Variants in LUZP2 observed in about 807,000 individuals in gnomAD.
LUZP2 encodes leucine zipper protein 2.
In LUZP2, 52 loss-of-function variants were observed where a neutral mutation model predicts 51.6. That is an observed-to-expected ratio of 1.01 (90% CI 0.81 to 1.27). The LOEUF is 1.27. LUZP2 is among the 50% of genes most tolerant of loss of function. The pLI is 0.00. For missense variants in LUZP2, 436 were observed against 395.4 expected, an observed-to-expected ratio of 1.10 and a Z score of -0.87; for synonymous variants, 154 against 137.3, an observed-to-expected ratio of 1.12 and a Z score of -0.85.
intron 1 of LUZP2, among the ~76,000 whole-genome samples, chr11:24,696,170 A>G (rs1857240890): frequency 6.6e-6 from 1 of 152,078 alleles, no homozygotes; most frequent in South Asian, 2.1e-4. Context: ...GTGTCTTGCC[A>G]GATATGGTGC....
At chr11:24,505,617 G>C (rs576061943) in intron 1 of LUZP2, among the ~76,000 whole-genome samples, 1 of 152,062 alleles carries the variant, frequency 6.6e-6, no homozygotes. Flanking sequence ...AGCTCATGTG[G>C]CATAGACAAG....
intron 5 of LUZP2, among the ~76,000 whole-genome samples, chr11:24,849,714 A>G (rs962767836): frequency 2.6e-5 from 4 of 152,142 alleles, no homozygotes; most frequent in African/African-American, 9.7e-5. Flanking sequence ...GTCTTCCACA[A>G]TGTTTGAACT....
intron 1 of LUZP2, among the ~76,000 whole-genome samples, chr11:24,617,074 G>T (rs992442343): frequency 6.6e-6 from 1 of 152,048 alleles, no homozygotes; most frequent in Non-Finnish European, 1.5e-5. Context: ...TAATTCTATC[G>T]CTTGTTAAAA....
chr11:25,040,017 C>CACA, intron 9 of LUZP2, among the ~76,000 whole-genome samples: 1 of 152,046 alleles, frequency 6.6e-6, no homozygotes, highest in Non-Finnish European at 1.5e-5. Context: ...GGTGGACCAC[C>CACA]CTCACACCCC....
At chr11:24,865,780 ATGTGTG>A (rs71044316) in intron 5 of LUZP2, among the ~76,000 whole-genome samples, 2 of 149,084 alleles carry the variant, frequency 1.3e-5, no homozygotes, top group Non-Finnish European at 3.0e-5. Flanking sequence ...ATGCATGTAT[ATGTGTG>A]TGTGTGTGTG....
At chr11:24,860,991 T>C (rs1851724276) in intron 5 of LUZP2, among the ~76,000 whole-genome samples, 1 of 152,144 alleles carries the variant, frequency 6.6e-6, no homozygotes, top group Non-Finnish European at 1.5e-5. Flanking sequence ...CTTCAGAAGA[T>C]GGTAACAAAG....
In LUZP2 at chr11:24,623,299, T is replaced by G. The variant is rs572583579; in HGVS notation, c.63-105870T>G. Among the ~76,000 whole-genome samples, 37 of 152,272 alleles carry G rather than the reference T, an allele frequency of 2.4e-4. 1 individual carries two copies. The South Asian group carries it at 7.7e-3, about 32-fold the overall frequency. On this transcript the variant is annotated intron_variant, in intron 1 of 11. Coordinates refer to ENST00000336930, the MANE Select transcript of LUZP2 (RefSeq NM_001009909.4). ...GAGGATTGCAAAACTCTTAAGCCAG[T>G]GCTGGCTTAAAATAATAAAATCAGA... is the stretch of plus-strand genomic sequence containing the variant.
At position 25,013,624 on chromosome 11, in the gene LUZP2, A is replaced by G. The variant is rs546439781; in HGVS notation, c.765+30331A>G. ...GTTAATGTCTCTGAGATAAACTATTATTTTAATATGGATACAGTATTAATC... is the reference window on the plus strand; with the variant it reads ...GTTAATGTCTCTGAGATAAACTATTGTTTTAATATGGATACAGTATTAATC... On this transcript the variant is annotated intron_variant, in intron 9 of 11. Coordinates refer to ENST00000336930, the MANE Select transcript of LUZP2 (RefSeq NM_001009909.4). Among the ~76,000 whole-genome samples the G allele has an allele frequency of 3.1e-4, 47 of 152,168 alleles. 1 individual carries two copies. Among genetic ancestry groups the G allele is most frequent in the Admixed American group, 2.6e-3 (40 of 15,270 alleles).
In LUZP2 at chr11:24,738,180, A is replaced by G. The variant is rs749956326; in HGVS notation, c.252-41A>G. 5 of 1,289,312 alleles carry G rather than the reference A, an allele frequency of 3.9e-6. No individual in the cohort carries two copies. In the South Asian group the frequency reaches 6.2e-5, roughly 16 times the overall value. 79.9% of individuals were successfully genotyped at this position (1,289,312 alleles called of 1,614,324 possible). ...AATGTTCATAGGAAATAATGGAATT[A>G]TATTATTTTCTCACTTATGCTCTGT... On this transcript the variant is annotated intron_variant, in intron 3 of 11. Transcript: ENST00000336930.
intron 1 of LUZP2, among the ~76,000 whole-genome samples, chr11:24,719,843 A>C (rs1394326064): frequency 6.6e-6 from 1 of 152,180 alleles, no homozygotes; most frequent in Non-Finnish European, 1.5e-5. Flanking sequence ...CTGGTAGATG[A>C]TCTGCTCTAG....
intron 1 of LUZP2, among the ~76,000 whole-genome samples, chr11:24,642,524 T>G (rs2133947430): frequency 6.6e-6 from 1 of 151,972 alleles, no homozygotes; most frequent in Middle Eastern, 3.4e-3. Context: ...TCTAGAAAGG[T>G]TTAGAAACCA....
Position 24,729,178 on chromosome 11 carries a change from T to C in LUZP2, c.72T>C (p.Tyr24=), listed in dbSNP as rs533887829. The C allele has an allele frequency of 3.8e-6, 6 of 1,565,614 alleles. No individual in the cohort carries two copies. Among genetic ancestry groups the C allele is most frequent in the Admixed American group, 1.7e-5 (1 of 57,554 alleles). ...PALVLSTRQD[Y]EELEKQLKEV... is the part of the protein sequence containing the mutation. Reference sequence around the variant, plus strand: ...GTTCTTTCTGTGTTAGACAGGACTATGAAGAGCTAGAAAAGCAGCTGAAAG... The same window carrying C: ...GTTCTTTCTGTGTTAGACAGGACTACGAAGAGCTAGAAAAGCAGCTGAAAG... Residue 24 remains tyrosine (Y), a synonymous_variant, in exon 2 of 12, where the codon TAT becomes TAC. Transcript: ENST00000336930.
chr11:24,774,362 C>CTCTCTCTCTCTCTCTCTCTCTCTCTA (rs776739280), intron 5 of LUZP2, among the ~76,000 whole-genome samples: 1 of 76,344 alleles, frequency 1.3e-5, no homozygotes, highest in Non-Finnish European at 2.4e-5. Flanking sequence ...CTCTCTCTCT[C>CTCTCTCTCTCTCTCTCTCTCTCTCTA]TATATATATA....
chr11:24,819,360 T>C (rs1329980039), intron 5 of LUZP2, among the ~76,000 whole-genome samples: 5 of 152,070 alleles, frequency 3.3e-5, no homozygotes, highest in Non-Finnish European at 7.4e-5. Flanking sequence ...AAGAGAATGA[T>C]AGGACTTAAT....
intron 1 of LUZP2, among the ~76,000 whole-genome samples, chr11:24,658,185 C>A (rs1455146298): frequency 6.6e-6 from 1 of 152,140 alleles, no homozygotes; most frequent in Non-Finnish European, 1.5e-5. Flanking sequence ...TGCTACAAGG[C>A]TACAGTAACC....
intron 1 of LUZP2, among the ~76,000 whole-genome samples, chr11:24,651,435 T>C (rs987791513): frequency 8.5e-5 from 13 of 152,122 alleles, no homozygotes; most frequent in Non-Finnish European, 1.6e-4. Flanking sequence ...TTATTAGTTA[T>C]ATTCCATTCC....
chr11:24,699,104 C>T lies in LUZP2; in HGVS notation c.63-30065C>T, dbSNP rs541426156. On this transcript the variant is annotated intron_variant, in intron 1 of 11. Transcript: ENST00000336930. ...CCACAGAAACACACACACACACACA[C>T]ACACACACACACACACACACACACG... Among the ~76,000 whole-genome samples the T allele has an allele frequency of 2.6e-5, 4 of 151,448 alleles. No individual in the cohort carries two copies. The South Asian group carries it at 8.4e-4, about 32-fold the overall frequency.
At chr11:24,703,321 G>A (rs1170757763) in intron 1 of LUZP2, among the ~76,000 whole-genome samples, 3 of 152,086 alleles carry the variant, frequency 2.0e-5, no homozygotes, top group African/African-American at 7.2e-5. Flanking sequence ...ATATATTATG[G>A]GTGGTCTGGG....
At chr11:25,062,235 A>C (rs2134041435) in intron 10 of LUZP2, among the ~76,000 whole-genome samples, 1 of 151,374 alleles carries the variant, frequency 6.6e-6, no homozygotes, top group East Asian at 1.9e-4. Flanking sequence ...AAAGACAGAA[A>C]TAGATAGTTA....
Sources: allele counts gnomAD v4.1 joint callset (sites outside exome capture counted in the v4.1 genomes callset), GRCh38; gene constraint gnomAD v4.1.1; transcripts MANE v1.5; gene names NCBI Gene and HGNC (gene_info 2026-07-23, HGNC 2026-07-21).